The following ADAMTS17 variants were observed in gnomAD, a reference collection of about 807,000 sequenced individuals.
The protein encoded by ADAMTS17 is ADAM metallopeptidase with thrombospondin type 1 motif 17, also known as A disintegrin and metalloproteinase with thrombospondin motifs 17.
A neutral mutation model predicts 141.5 loss-of-function variants in ADAMTS17; 113 were observed. The observed-to-expected ratio is 0.80, with a 90% CI of 0.69 to 0.93. The LOEUF (loss-of-function observed/expected upper bound fraction) is 0.93. Ranked by LOEUF, ADAMTS17 falls within the 40% of genes least tolerant of loss-of-function variation. ADAMTS17 has a pLI of 0.00. For synonymous variants in ADAMTS17, 768 were observed against 630.6 expected, an observed-to-expected ratio of 1.22 and a Z score of -3.27; for missense variants, 1,659 against 1,517.9, an observed-to-expected ratio of 1.09 and a Z score of -1.54.
chr15:100,085,943 G>A (rs1361001593), intron 15 of ADAMTS17, among the ~76,000 whole-genome samples: 1 of 151,972 alleles, frequency 6.6e-6, no homozygotes, highest in East Asian at 1.9e-4. Context: ...ATCAACTAAT[G>A]AGCAAAATAA....
chr15:100,169,830 G>A (rs746792281), intron 8 of ADAMTS17, among the ~76,000 whole-genome samples: 9 of 152,182 alleles, frequency 5.9e-5, no homozygotes, highest in Non-Finnish European at 5.9e-5. Flanking sequence ...CGTGGATGTG[G>A]CTTTGGGGAG....
chr15:100,254,254 C>CAT, intron 6 of ADAMTS17, 75 bp from the exon 7 acceptor site: 2 of 1,327,442 alleles, frequency 1.5e-6, no homozygotes, highest in Non-Finnish European at 2.2e-6. Context: ...TGTGAATTAA[C>CAT]CTCAAGTAGT....
At chr15:100,200,907 C>T (rs1007573954) in intron 7 of ADAMTS17, among the ~76,000 whole-genome samples, 8 of 152,058 alleles carry the variant, frequency 5.3e-5, no homozygotes, top group African/African-American at 1.9e-4. Context: ...CACCTGCTCT[C>T]CCCCATGGCT....
chr15:100,133,542 C>T (rs777230718), intron 10 of ADAMTS17, among the ~76,000 whole-genome samples: 14 of 152,182 alleles, frequency 9.2e-5, no homozygotes, highest in Admixed American at 5.9e-4. Flanking sequence ...GCTTGTCTCA[C>T]GGAGTTGAGT....
chr15:100,021,885 T>C (rs192360320), intron 18 of ADAMTS17, among the ~76,000 whole-genome samples: 15 of 152,176 alleles, frequency 9.9e-5, no homozygotes, highest in African/African-American at 3.6e-4. Context: ...CATTTCTCGG[T>C]TGGCCAATGT....
At chr15:100,311,336 C>T (rs888552901) in intron 3 of ADAMTS17, among the ~76,000 whole-genome samples, 1 of 152,242 alleles carries the variant, frequency 6.6e-6, no homozygotes, top group East Asian at 1.9e-4. Flanking sequence ...AGGCCATGCG[C>T]TCACTCAGCC....
At chr15:100,128,378 GCT>G (rs1223156209) in intron 12 of ADAMTS17, 1 of 152,194 alleles carries the variant, frequency 6.6e-6, no homozygotes, top group Non-Finnish European at 1.5e-5. Flanking sequence ...AATGCTGCAG[GCT>G]CTTTCTGTTC....
chr15:100,029,854 C>T (rs1258030690), intron 18 of ADAMTS17, among the ~76,000 whole-genome samples: 1 of 152,120 alleles, frequency 6.6e-6, no homozygotes, highest in Non-Finnish European at 1.5e-5. Context: ...CAATGCAGTC[C>T]CTGGACCAGC....
chr15:100,099,056 C>T, intron 14 of ADAMTS17, among the ~76,000 whole-genome samples: 1 of 152,230 alleles, frequency 6.6e-6, no homozygotes. Flanking sequence ...CCTGATTCAA[C>T]AGCTTCTAGA....
intron 3 of ADAMTS17, among the ~76,000 whole-genome samples, chr15:100,328,532 G>C (rs569847591): frequency 2.0e-5 from 3 of 151,846 alleles, no homozygotes; most frequent in African/African-American, 7.2e-5. Flanking sequence ...AGCAGGGAAG[G>C]AGAGATTGTA....
chr15:100,001,994 C>CAAAAAA (rs71151931), intron 18 of ADAMTS17, among the ~76,000 whole-genome samples: 620 of 57,418 alleles, frequency 0.011, 5 homozygotes, highest in Middle Eastern at 0.018. Context: ...AGGCCAAACC[C>CAAAAAA]AAAAAAAAAA....
intron 6 of ADAMTS17, 105 bp from the exon 7 acceptor site, chr15:100,254,284 T>C: frequency 1.9e-6 from 2 of 1,047,172 alleles, no homozygotes; most frequent in Non-Finnish European, 2.9e-6. Context: ...ATGTTATTTT[T>C]CCAGTGGACA....
chr15:100,238,347 A>G (rs556352781), intron 7 of ADAMTS17, among the ~76,000 whole-genome samples: 9 of 152,276 alleles, frequency 5.9e-5, no homozygotes, highest in African/African-American at 2.2e-4. Flanking sequence ...CTGACTTCAC[A>G]TGAGTTGCAT....
chr15:100,221,609 C>G (rs186002059), intron 7 of ADAMTS17, among the ~76,000 whole-genome samples: 1 of 152,290 alleles, frequency 6.6e-6, no homozygotes, highest in African/African-American at 2.4e-5. Context: ...CTAAAATCAG[C>G]CATACGCCAA....
intron 8 of ADAMTS17, among the ~76,000 whole-genome samples, chr15:100,191,527 A>G (rs766471748): frequency 9.2e-5 from 14 of 152,236 alleles, no homozygotes; most frequent in Non-Finnish European, 1.9e-4. Flanking sequence ...TGGGTTTTCC[A>G]GACAACTGGA....
intron 8 of ADAMTS17, among the ~76,000 whole-genome samples, chr15:100,172,302 G>T (rs934762943): frequency 6.6e-6 from 1 of 152,148 alleles, no homozygotes; most frequent in Admixed American, 6.5e-5. Context: ...AGAGGTTCCA[G>T]GTGATTCTCA....
intron 7 of ADAMTS17, among the ~76,000 whole-genome samples, chr15:100,243,620 T>A (rs775296506): frequency 7.9e-5 from 12 of 151,926 alleles, no homozygotes; most frequent in Non-Finnish European, 1.5e-4. Context: ...TCAAACACTA[T>A]CTCTACTAAA....
chr15:100,095,927 T>C (rs2035729058), intron 15 of ADAMTS17, among the ~76,000 whole-genome samples: 1 of 152,230 alleles, frequency 6.6e-6, no homozygotes, highest in Non-Finnish European at 1.5e-5. Flanking sequence ...TACGGCTTCA[T>C]GCACGTTTTA....
At chr15:100,174,471 C>T (rs2040266851) in intron 8 of ADAMTS17, among the ~76,000 whole-genome samples, 1 of 152,178 alleles carries the variant, frequency 6.6e-6, no homozygotes, top group South Asian at 2.1e-4. Flanking sequence ...TTTCTAACAC[C>T]AAGGGCTCGT....
Sources: gnomAD v4.1 joint callset for allele counts (sites outside exome capture counted in the v4.1 genomes callset) on GRCh38, gnomAD v4.1.1 for gene constraint, MANE v1.5 for transcripts, NCBI Gene and HGNC (gene_info 2026-07-23, HGNC 2026-07-21) for gene names.